Variants in DEPTOR observed in about 807,000 individuals in gnomAD.
DEPTOR encodes the protein DEP domain-containing mTOR-interacting protein.
In DEPTOR, 41 loss-of-function variants were observed where a neutral mutation model predicts 41.6. That is an observed-to-expected ratio of 0.98 (90% CI 0.77 to 1.28). The LOEUF is 1.28. Ranked by LOEUF, DEPTOR falls within the 50% of genes most tolerant of loss-of-function variation. The pLI is 0.00. For synonymous variants in DEPTOR, 195 were observed against 192.3 expected, an observed-to-expected ratio of 1.01 and a Z score of -0.12; for missense variants, 514 against 527.9, an observed-to-expected ratio of 0.97 and a Z score of 0.26.
chr8:119,975,492 C>T lies in DEPTOR; in HGVS notation c.604+10082C>T, dbSNP rs566899387. 1.8e-3 allele frequency among the ~76,000 whole-genome samples: 274 copies of T among 152,042 alleles called. 1 individual carries two copies. The highest frequency in any genetic ancestry group is 6.2e-3 in the African/African-American group (259 of 41,458). On this transcript the variant is annotated intron_variant, in intron 4 of 8. Transcript: ENST00000286234. ...GGATTTAGAGTCAAGGAGCACAGTG[C>T]GGAGTCGGTCAGTGGATGGAAAATT...
At chr8:119,928,342 G>T (rs1827989427) in intron 1 of DEPTOR, 58 bp from the exon 2 acceptor site, 2 of 1,564,408 alleles carry the variant, frequency 1.3e-6, no homozygotes, top group Non-Finnish European at 1.7e-6. Flanking sequence ...TCTGGGATTG[G>T]TTTAATAATT....
intron 1 of DEPTOR, among the ~76,000 whole-genome samples, chr8:119,917,671 G>A (rs1007599668): frequency 1.3e-5 from 2 of 152,158 alleles, no homozygotes; most frequent in African/African-American, 4.8e-5. Context: ...ATATGGCCTC[G>A]TGGGAAGGGA....
At position 119,936,482 on chromosome 8, in the gene DEPTOR, T is replaced by C. The variant is rs544928063; in HGVS notation, c.425+6544T>C. Among the ~76,000 whole-genome samples the C allele has an allele frequency of 2.0e-5, 3 of 152,316 alleles. No individual in the cohort carries two copies. In the East Asian group the frequency reaches 5.8e-4, roughly 29 times the overall value. ...AGAGCCCACAAACCATCATATACAT[T>C]AATTTGTTTGATCCTCTGTACAACT... On this transcript the variant is annotated intron_variant, in intron 3 of 8. Transcript: ENST00000286234.
chr8:120,043,539 A>G (rs1813111584), intron 8 of DEPTOR, among the ~76,000 whole-genome samples: 1 of 152,122 alleles, frequency 6.6e-6, no homozygotes, highest in African/African-American at 2.4e-5. Context: ...AAGAGAAGAA[A>G]CGTTTGTCAT....
chr8:119,896,531 G>T (rs905390305), intron 1 of DEPTOR, among the ~76,000 whole-genome samples: 15 of 152,140 alleles, frequency 9.9e-5, no homozygotes, highest in African/African-American at 3.6e-4. Flanking sequence ...CCTGAGTCTC[G>T]CTCTGTTGCC....
chr8:119,898,839 A>G (rs1827553007), intron 1 of DEPTOR, among the ~76,000 whole-genome samples: 1 of 152,092 alleles, frequency 6.6e-6, no homozygotes, highest in Non-Finnish European at 1.5e-5. Context: ...ACCCTAAATC[A>G]TTTGTTTTCT....
At chr8:119,906,460 GAAA>G (rs995625424) in intron 1 of DEPTOR, among the ~76,000 whole-genome samples, 2 of 148,618 alleles carry the variant, frequency 1.3e-5, no homozygotes, top group Non-Finnish European at 3.0e-5. Flanking sequence ...TGACTCAAAA[GAAA>G]AAAAAAATTA....
intron 4 of DEPTOR, among the ~76,000 whole-genome samples, chr8:119,971,536 C>T (rs1311741322): frequency 6.6e-6 from 1 of 152,170 alleles, no homozygotes; most frequent in Non-Finnish European, 1.5e-5. Flanking sequence ...AGACTTCAGT[C>T]TTTCTTCCTG....
intron 1 of DEPTOR, among the ~76,000 whole-genome samples, chr8:119,881,439 G>A (rs1156675608): frequency 3.3e-5 from 5 of 151,768 alleles, no homozygotes; most frequent in Admixed American, 6.6e-5. Flanking sequence ...CAGGAGAATC[G>A]CTTGAACCAG....
intron 3 of DEPTOR, among the ~76,000 whole-genome samples, chr8:119,935,654 G>T (rs1478075010): frequency 6.6e-6 from 1 of 151,544 alleles, no homozygotes; most frequent in African/African-American, 2.4e-5. Context: ...CCAGGAGGCG[G>T]AGGTTGCAGT....
intron 4 of DEPTOR, among the ~76,000 whole-genome samples, chr8:119,981,149 A>C (rs1196573077): frequency 2.0e-5 from 3 of 152,184 alleles, no homozygotes; most frequent in Non-Finnish European, 2.9e-5. Context: ...CATGAGAAAC[A>C]ATTCCTGTGC....
chr8:119,965,131 C>T (rs1828540267), intron 3 of DEPTOR, 101 bp from the exon 4 acceptor site: 1 of 1,292,830 alleles, frequency 7.7e-7, no homozygotes, highest in Non-Finnish European at 1.0e-6. Context: ...ATCTGTCTGT[C>T]TGACAACTTT....
At chr8:120,040,711 G>A (rs1813055160) in intron 8 of DEPTOR, among the ~76,000 whole-genome samples, 1 of 152,188 alleles carries the variant, frequency 6.6e-6, no homozygotes, top group Admixed American at 6.5e-5. Flanking sequence ...GACTCCAAAA[G>A]TCTTCCTCAT....
chr8:119,877,770 T>C (rs562732428), intron 1 of DEPTOR, among the ~76,000 whole-genome samples: 4 of 152,360 alleles, frequency 2.6e-5, no homozygotes, highest in African/African-American at 9.6e-5. Flanking sequence ...GGGAATAATA[T>C]CTTCCCACAT....
chr8:120,016,966 A>G (rs1480242060), intron 8 of DEPTOR, among the ~76,000 whole-genome samples: 2 of 152,102 alleles, frequency 1.3e-5, no homozygotes, highest in African/African-American at 2.4e-5. Context: ...CACCTGTCTC[A>G]TTGTCTCCAT....
chr8:119,958,793 G>A (rs113803235), intron 3 of DEPTOR, among the ~76,000 whole-genome samples: 8,166 of 151,744 alleles, frequency 0.054, 351 homozygotes, highest in African/African-American at 0.12. Context: ...AAGAAAAAAA[G>A]AAAAAGAAGA....
chr8:119,960,329 A>T (rs1424205215), intron 3 of DEPTOR, among the ~76,000 whole-genome samples: 2 of 152,206 alleles, frequency 1.3e-5, no homozygotes, highest in African/African-American at 4.8e-5. Flanking sequence ...TTAGTGAAGG[A>T]AGTGGAACAG....
intron 1 of DEPTOR, among the ~76,000 whole-genome samples, chr8:119,910,573 C>T (rs1827724146): frequency 6.6e-6 from 1 of 151,950 alleles, no homozygotes; most frequent in African/African-American, 2.4e-5. Flanking sequence ...CTGCCTCAGC[C>T]TCCCTAGTAG....
At chr8:120,032,219 T>C (rs200251946) in intron 8 of DEPTOR, among the ~76,000 whole-genome samples, 72,738 of 130,752 alleles carry the variant, frequency 0.56, 18,074 homozygotes, top group Admixed American at 0.65. Flanking sequence ...TTCTTTTTTT[T>C]TTTTTTTTTT....
Sources: allele counts gnomAD v4.1 joint callset (sites outside exome capture counted in the v4.1 genomes callset), GRCh38; gene constraint gnomAD v4.1.1; transcripts MANE v1.5; gene names NCBI Gene and HGNC (gene_info 2026-07-23, HGNC 2026-07-21).